Variants in ANK1 observed in about 807,000 individuals in gnomAD.
The protein encoded by ANK1 is ankyrin 1.
In ANK1, 51 loss-of-function variants were observed where a neutral mutation model predicts 210.4. That is an observed-to-expected ratio of 0.24 (90% confidence interval 0.19 to 0.31). The LOEUF (loss-of-function observed/expected upper bound fraction) is 0.31. Ranked by LOEUF, ANK1 falls within the 10% of genes least tolerant of loss-of-function variation. The pLI, the probability that ANK1 is intolerant of heterozygous loss-of-function variation, is 1.00. For missense variants in ANK1, 2,051 were observed against 2,504.4 expected (o/e 0.82, Z 3.86); for synonymous variants, 967 against 1,025.9 (o/e 0.94, Z 1.10).
chr8:41,738,090 A>G (rs1833879700), intron 2 of ANK1, among the ~76,000 whole-genome samples: 1 of 152,230 alleles, frequency 6.6e-6, no homozygotes, highest in African/African-American at 2.4e-5. Flanking sequence ...AAGAGAAAAG[A>G]GTTGTTCTGT....
At chr8:41,717,740 C>G (rs1828108477) in intron 11 of ANK1, 38 bp from the exon 12 acceptor site, 1 of 1,482,746 alleles carries the variant, frequency 6.7e-7, no homozygotes, top group East Asian at 2.5e-5. Flanking sequence ...AAGTGGGAGT[C>G]TTTCCGCTCC....
chr8:41,692,126 G>A (rs1052539002), intron 31 of ANK1, among the ~76,000 whole-genome samples: 1 of 151,450 alleles, frequency 6.6e-6, no homozygotes, highest in African/African-American at 2.4e-5. Flanking sequence ...GTGCGATCTC[G>A]GCTCACTGCA....
chr8:41,737,676 A>T (rs1741884395), intron 2 of ANK1, among the ~76,000 whole-genome samples: 2 of 152,188 alleles, frequency 1.3e-5, no homozygotes, highest in Admixed American at 1.3e-4. Context: ...TAACATAGTC[A>T]CCCTAAATCA....
At chr8:41,826,234 A>C (rs1805346634) in intron 1 of ANK1, among the ~76,000 whole-genome samples, 1 of 152,098 alleles carries the variant, frequency 6.6e-6, no homozygotes, top group African/African-American at 2.4e-5. Flanking sequence ...TTTCTAGAAA[A>C]GGCTACTCTG....
upstream of ANK1, among the ~76,000 whole-genome samples, chr8:41,799,780 C>T (rs1312915939): frequency 5.9e-5 from 9 of 152,056 alleles, no homozygotes; most frequent in South Asian, 2.1e-4. Flanking sequence ...ATACAGGAAG[C>T]GGAGGAAAAG....
intron 1 of ANK1, among the ~76,000 whole-genome samples, chr8:41,880,910 C>A (rs1364623489): frequency 1.3e-5 from 2 of 152,224 alleles, no homozygotes; most frequent in Non-Finnish European, 2.9e-5. Flanking sequence ...TTGGTAGGGC[C>A]AAGGGCCATT....
At chr8:41,695,056 C>A (rs755541283) in intron 27 of ANK1, 121 bp downstream of exon 27, 51 of 1,374,676 alleles carry the variant, frequency 3.7e-5, no homozygotes, top group Non-Finnish European at 5.2e-5. Context: ...CCACACCAGG[C>A]CATTCTCAGC....
intron 1 of ANK1, among the ~76,000 whole-genome samples, chr8:41,882,722 C>T (rs1004193509): frequency 6.6e-6 from 1 of 152,254 alleles, no homozygotes; most frequent in Non-Finnish European, 1.5e-5. Flanking sequence ...CACAGAACAT[C>T]GCCAGTGCTC....
rs567957304 is a variant in ANK1, at chr8:41,674,337, A to G, written c.4538-1425T>C. Among the ~76,000 whole-genome samples, 13 of 152,274 alleles carry G rather than the reference A, an allele frequency of 8.5e-5. No homozygotes were observed. In the South Asian group the frequency reaches 2.7e-3, roughly 32 times the overall value. Reference sequence around the variant, plus strand: ...CACACTCACACACTCTCTCTCACCCACACACTCACAGATGGGACAGCTTCT... The same window carrying G: ...CACACTCACACACTCTCTCTCACCCGCACACTCACAGATGGGACAGCTTCT... On this transcript the variant is annotated intron_variant, in intron 37 of 42. Transcript: ENST00000289734.
chr8:41,858,345 C>G (rs1269557755), intron 1 of ANK1, among the ~76,000 whole-genome samples: 1 of 96,954 alleles, frequency 1.0e-5, no homozygotes, highest in African/African-American at 3.4e-5. Flanking sequence ...GACTCCATCT[C>G]AAAAAAAAAA....
At chr8:41,811,949 T>C (rs190856245) in intron 1 of ANK1, among the ~76,000 whole-genome samples, 1 of 152,358 alleles carries the variant, frequency 6.6e-6, no homozygotes, top group East Asian at 1.9e-4. Context: ...TCCATTCATC[T>C]GAATATTTAA....
intron 1 of ANK1, among the ~76,000 whole-genome samples, chr8:41,772,735 C>A (rs1420931619): frequency 6.6e-6 from 1 of 152,226 alleles, no homozygotes; most frequent in Admixed American, 6.5e-5. Flanking sequence ...TTGCAGTGTC[C>A]TGCTGCTGGC....
chr8:41,656,738 C>T (rs776072018), intron 42 of ANK1, among the ~76,000 whole-genome samples: 1 of 152,188 alleles, frequency 6.6e-6, no homozygotes, highest in Non-Finnish European at 1.5e-5. Context: ...GAGCCATCCC[C>T]AGACATAGAG....
chr8:41,768,062 G>A (rs1458753413), intron 1 of ANK1, among the ~76,000 whole-genome samples: 8 of 152,214 alleles, frequency 5.3e-5, no homozygotes, highest in Admixed American at 5.2e-4. Context: ...GTTAACTAGC[G>A]TCACCCGAGG....
At chr8:41,771,400 A>G (rs1387016463) in intron 1 of ANK1, among the ~76,000 whole-genome samples, 1 of 152,196 alleles carries the variant, frequency 6.6e-6, no homozygotes, top group Admixed American at 6.5e-5. Context: ...ACCTTCCATC[A>G]CAACCACACC....
At chr8:41,857,177 G>C (rs865902453) in intron 1 of ANK1, among the ~76,000 whole-genome samples, 7 of 115,714 alleles carry the variant, frequency 6.0e-5, no homozygotes, top group African/African-American at 3.1e-4. Flanking sequence ...ACCACTCCTG[G>C]CATCTTTTTT....
chr8:41,708,970 G>A lies in ANK1; in HGVS notation c.1806C>T (p.Gly602=). The A allele has an allele frequency of 6.2e-7, 1 of 1,614,010 alleles. No individual in the cohort carries two copies. Among genetic ancestry groups the A allele is most frequent in the Non-Finnish European group, 8.5e-7 (1 of 1,180,044 alleles). Residue 602 remains glycine, a synonymous_variant, in exon 17 of 43, where the codon GGC becomes GGT. Transcript: ENST00000289734. ...TGGCAGCGATGTGCAAAGGGGTGTA[G>A]CCATTCTGAAACAGAAGAAGCCGCC... ...GGSPHSPAWN[G]YTPLHIAAKQ... is the part of the protein sequence containing the mutation.
chr8:41,777,187 C>A (rs1844240060), intron 1 of ANK1, among the ~76,000 whole-genome samples: 1 of 152,194 alleles, frequency 6.6e-6, no homozygotes, highest in African/African-American at 2.4e-5. Context: ...CCAGGGGAAT[C>A]CTAAGGTATG....
rs1312618365 is a variant in ANK1 at position 41,688,342 on chromosome 8, A to T, written c.4184-112T>A. The stretch of plus-strand genomic sequence containing the variant: ...TCCGTGTGCACTGGGGTGATTGTCT[A>T]GACTCTCTGCAAGATCAGGGGAAGA... On this transcript the variant is annotated intron_variant, in intron 34 of 42. Coordinates refer to ENST00000289734, the MANE Select transcript of ANK1 (RefSeq NM_000037.4). The T allele has an allele frequency of 4.2e-6, 6 of 1,443,866 alleles. No individual in the cohort carries two copies. In the African/African-American group the frequency reaches 8.4e-5, roughly 20 times the overall value. 89.4% of individuals were successfully genotyped at this position (1,443,866 alleles called of 1,614,324 possible).
Sources: allele counts gnomAD v4.1 joint callset (sites outside exome capture counted in the v4.1 genomes callset), GRCh38; gene constraint gnomAD v4.1.1; transcripts MANE v1.5; gene names NCBI Gene and HGNC (gene_info 2026-07-23, HGNC 2026-07-21).